The following RTEL1 variants were observed in gnomAD, a reference collection of about 807,000 sequenced individuals.
The protein encoded by RTEL1 is regulator of telomere elongation helicase 1.
Under a neutral mutation model 162.2 loss-of-function variants are expected in RTEL1, and 86 were observed. The observed-to-expected ratio is 0.53, with a 90% CI of 0.45 to 0.63. RTEL1 has a LOEUF of 0.63. RTEL1 is among the 30% of genes least tolerant of loss of function. RTEL1 has a pLI of 0.00. For synonymous variants in RTEL1, 958 were observed against 717.9 expected, an observed-to-expected ratio of 1.33 and a Z score of -5.35; for missense variants, 1,941 against 1,750.2, an observed-to-expected ratio of 1.11 and a Z score of -1.95.
chr20:63,671,136 C>T (rs2090232781), intron 8 of RTEL1, among the ~76,000 whole-genome samples: 2 of 152,224 alleles, frequency 1.3e-5, no homozygotes, highest in Admixed American at 1.3e-4. Context: ...TCTTGGCTCA[C>T]TGCAGCTTCC....
In RTEL1 at chr20:63,694,497, C is replaced by A; in HGVS notation, c.3109+9C>A. 6.3e-7 allele frequency: 1 copy of A among 1,580,418 alleles called. No individual in the cohort carries two copies. Among genetic ancestry groups the A allele is most frequent in the Non-Finnish European group, 8.7e-7 (1 of 1,154,072 alleles). On this transcript the variant is annotated intron_variant, in intron 31 of 34. Transcript: ENST00000360203. Reference sequence around the variant, plus strand: ...CAGGCCACCCCCAACAGGTAGCTGACTCCTGAACCGTGTGCAGCCTACGAC... The same window carrying A: ...CAGGCCACCCCCAACAGGTAGCTGAATCCTGAACCGTGTGCAGCCTACGAC...
rs758448983 is a variant in RTEL1, at chr20:63,691,744, C to T, written c.2559C>T (p.Ala853=). 1.1e-5 allele frequency: 18 copies of T among 1,612,034 alleles called. No individual in the cohort carries two copies. The highest frequency in any genetic ancestry group is 8.3e-5 in the Admixed American group (5 of 60,016). The change falls in exon 28 of 35, where the codon GCC becomes GCT. Residue 853 remains alanine, a splice_region_variant and synonymous_variant. Coordinates refer to ENST00000360203, the MANE Select transcript of RTEL1 (RefSeq NM_001283009.2). The stretch of plus-strand genomic sequence containing the variant: ...GTTGTGAGCTGTGTCCTCCTCAGGC[C>T]CACAGCTGCTCCACCCTGTCCCTCC... ...QRAGSPGEEQ[A]HSCSTLSLLS... is the part of the protein sequence containing the mutation.
At chr20:63,674,667 T>C (rs2090313402) in intron 10 of RTEL1, among the ~76,000 whole-genome samples, 1 of 149,058 alleles carries the variant, frequency 6.7e-6, no homozygotes, top group African/African-American at 2.5e-5. Context: ...TCCACTGCAC[T>C]CCAGCCTGGG....
At chr20:63,688,472 T>G (rs2090646592) in intron 20 of RTEL1, 56 bp from the exon 21 acceptor site, 1 of 1,607,024 alleles carries the variant, frequency 6.2e-7, no homozygotes, top group African/African-American at 1.3e-5. Flanking sequence ...CTGCTTGCCC[T>G]CATCGGATCG....
chr20:63,685,512 C>A lies in RTEL1; in HGVS notation c.1192-11C>A. On this transcript the variant is annotated splice_polypyrimidine_tract_variant and intron_variant, in intron 14 of 34. Coordinates refer to ENST00000360203, the MANE Select transcript of RTEL1 (RefSeq NM_001283009.2). Reference sequence around the variant, plus strand: ...GGCTCCTGACGGGGCTGCACTTCCTCTGCCTTTCAGATTGTGTTCAGTGTG... The same window carrying A: ...GGCTCCTGACGGGGCTGCACTTCCTATGCCTTTCAGATTGTGTTCAGTGTG... 18 of 1,611,984 alleles carry A rather than the reference C, an allele frequency of 1.1e-5. No individual in the cohort carries two copies. The highest frequency in any genetic ancestry group is 1.5e-5 in the Non-Finnish European group (18 of 1,179,698).
intron 8 of RTEL1, among the ~76,000 whole-genome samples, chr20:63,667,844 C>T (rs904655937): frequency 6.6e-6 from 1 of 152,118 alleles, no homozygotes; most frequent in Non-Finnish European, 1.5e-5. Flanking sequence ...CCTGACAGCT[C>T]AGGTTCTCTC....
chr20:63,660,140 T>C (rs995069660), intron 2 of RTEL1, among the ~76,000 whole-genome samples: 1 of 152,148 alleles, frequency 6.6e-6, no homozygotes, highest in Non-Finnish European at 1.5e-5. Context: ...ATTGAACAAA[T>C]GTACAATCGG....
rs2090851223 is a variant in RTEL1 at position 63,693,510 on chromosome 20, T to TCCACCTCCA, written c.2992+229_2992+230insACCTCCACC. 2.1e-3 allele frequency among the ~76,000 whole-genome samples: 9 copies of TCCACCTCCA among 4,374 alleles called. 1 individual carries two copies. Among genetic ancestry groups the TCCACCTCCA allele is most frequent in the Admixed American group, 3.9e-3 (1 of 256 alleles). The allele number at this position is 4,374 out of a possible 152,430, so 2.9% of individuals were successfully genotyped here. On this transcript the variant is annotated intron_variant, in intron 30 of 34. Coordinates refer to ENST00000360203, the MANE Select transcript of RTEL1 (RefSeq NM_001283009.2). ...CACCACCTCCACCTCCACCACCACC[T>TCCACCTCCA]CCTCCACCACCACCACCTCCACCAC... is the stretch of plus-strand genomic sequence containing the variant.
chr20:63,675,796 G>C (rs1028645694), intron 10 of RTEL1, among the ~76,000 whole-genome samples: 1 of 152,176 alleles, frequency 6.6e-6, no homozygotes, highest in Non-Finnish European at 1.5e-5. Context: ...GTGGACGGCC[G>C]CCTCTTTCCA....
At position 63,695,659 on chromosome 20, in the gene RTEL1, C is replaced by G; in HGVS notation, c.3822+9C>G. Reference sequence around the variant, plus strand: ...GGCAACGGCACCTTCAGGTTGGTGCCTGGCCACTACAGTTCCTGCTGGGTG... The same window carrying G: ...GGCAACGGCACCTTCAGGTTGGTGCGTGGCCACTACAGTTCCTGCTGGGTG... On this transcript the variant is annotated intron_variant, in intron 34 of 34. Coordinates refer to ENST00000360203, the MANE Select transcript of RTEL1 (RefSeq NM_001283009.2). 1 of 1,610,984 alleles carries G rather than the reference C, an allele frequency of 6.2e-7. No individual in the cohort carries two copies. The highest frequency in any genetic ancestry group is 8.5e-7 in the Non-Finnish European group (1 of 1,179,756).
In RTEL1 at chr20:63,685,565, C is replaced by T. The variant is rs2090574125; in HGVS notation, c.1234C>T (p.Pro412Ser). 6.2e-7 allele frequency: 1 copy of T among 1,612,456 alleles called. No homozygotes were observed. The highest frequency in any genetic ancestry group is 1.3e-5 in the African/African-American group (1 of 74,928). Reference sequence around the variant, plus strand: ...CCCCTCCGAGGGCAGCCCTGGTTCCCCAGCAGGGCTGGGGGCCTTACAGTC... The same window carrying T: ...CCCCTCCGAGGGCAGCCCTGGTTCCTCAGCAGGGCTGGGGGCCTTACAGTC... ...VDPSEGSPGS[P>S]AGLGALQSYK... The change falls in exon 15 of 35, where the codon CCA becomes TCA. Residue 412 changes from proline (P) to serine (S), a missense_variant. Coordinates refer to ENST00000360203, the MANE Select transcript of RTEL1 (RefSeq NM_001283009.2).
At chr20:63,689,925 C>A in intron 24 of RTEL1, 60 bp downstream of exon 24, 3 of 1,554,422 alleles carry the variant, frequency 1.9e-6, no homozygotes, top group Non-Finnish European at 2.6e-6. Flanking sequence ...CCACTGGGCC[C>A]CTGGACTCTC....
At chr20:63,691,934 A>T (rs1011926464) in intron 28 of RTEL1, 97 bp downstream of exon 28, 9 of 904,312 alleles carry the variant, frequency 1.0e-5, no homozygotes, top group Non-Finnish European at 1.6e-5. Context: ...CGATGGGACC[A>T]GGGAATCCAC....
chr20:63,671,146 C>T lies in RTEL1; in HGVS notation c.700-1410C>T, dbSNP rs933192317. ...TGTGGTCTTGGCTCACTGCAGCTTC[C>T]GCCTCTTGGGTTCAAACAGTTCTCC... On this transcript the variant is annotated intron_variant, in intron 8 of 34. Transcript: ENST00000360203. Among the ~76,000 whole-genome samples, 115 of 152,054 alleles carry T rather than the reference C, an allele frequency of 7.6e-4. 3 individuals are homozygous for T. The highest frequency in any genetic ancestry group is 7.1e-3 in the Admixed American group (109 of 15,270).
rs770615551 is a variant in RTEL1 at position 63,659,273 on chromosome 20, C to T, written c.-130C>T. The T allele has an allele frequency of 3.3e-5, 23 of 687,220 alleles. No homozygotes were observed. In the East Asian group the frequency reaches 6.2e-4, roughly 18 times the overall value. 42.6% of individuals were successfully genotyped at this position (687,220 alleles called of 1,614,324 possible). A position where few individuals can be genotyped will look rare whatever the true frequency, so the allele number is the denominator to read the frequency against. On this transcript the variant is annotated 5_prime_UTR_variant, in exon 2 of 35. Coordinates refer to ENST00000360203, the MANE Select transcript of RTEL1 (RefSeq NM_001283009.2). ...ATTCTCGAAGAGAACAGCGTTGTGTCCCAGTGCACATGCTCGCATCGCTTA... is the reference window on the plus strand; with the variant it reads ...ATTCTCGAAGAGAACAGCGTTGTGTTCCAGTGCACATGCTCGCATCGCTTA...
chr20:63,670,919 A>G (rs2090229021), intron 8 of RTEL1, among the ~76,000 whole-genome samples: 1 of 152,120 alleles, frequency 6.6e-6, no homozygotes, highest in African/African-American at 2.4e-5. Flanking sequence ...GAGCCCATCC[A>G]CAGGTGAATG....
chr20:63,683,675 G>A (rs762821257), intron 14 of RTEL1, among the ~76,000 whole-genome samples: 27 of 152,278 alleles, frequency 1.8e-4, no homozygotes, highest in Non-Finnish European at 3.1e-4. Context: ...AGTCTGCGGC[G>A]GGGCTCTGAC....
rs755160707 is a variant in RTEL1, at chr20:63,690,265, T to C, written c.2266-29T>C. ...GTGTTGTCCCCAGAGGAGCCAGAAATGGGTCCACCCACCCCCATGGTTCTG... is the reference window on the plus strand; with the variant it reads ...GTGTTGTCCCCAGAGGAGCCAGAAACGGGTCCACCCACCCCCATGGTTCTG... On this transcript the variant is annotated intron_variant, in intron 25 of 34. Transcript: ENST00000360203. 5 of 1,600,682 alleles carry C rather than the reference T, an allele frequency of 3.1e-6. No homozygotes were observed. In the South Asian group the frequency reaches 5.5e-5, roughly 18 times the overall value.
intron 30 of RTEL1, among the ~76,000 whole-genome samples, chr20:63,693,579 ACCACCACCACCT>A (rs1568721015): frequency 3.2e-4 from 15 of 47,610 alleles, no homozygotes; most frequent in South Asian, 1.5e-3. Flanking sequence ...CTCCACCTCC[ACCACCACCACCT>A]CCACCTCCAC....
Sources: allele counts gnomAD v4.1 joint callset (sites outside exome capture counted in the v4.1 genomes callset), GRCh38; gene constraint gnomAD v4.1.1; transcripts MANE v1.5; gene names NCBI Gene and HGNC (gene_info 2026-07-23, HGNC 2026-07-21).